The following MTHFD1L variants were observed in gnomAD, a reference collection of about 807,000 sequenced individuals.
The protein encoded by MTHFD1L is monofunctional C1-tetrahydrofolate synthase, mitochondrial.
MTHFD1L carries 81 observed loss-of-function variants against 119.5 expected under a neutral mutation model. The ratio of observed to expected loss-of-function variants is 0.68; its 90% CI spans 0.57 to 0.82. The LOEUF is 0.82. MTHFD1L is among the 40% of genes least tolerant of loss of function. MTHFD1L has a pLI of 0.00. For synonymous variants in MTHFD1L, 430 were observed against 475.2 expected, an observed-to-expected ratio of 0.90 and a Z score of 1.24; for missense variants, 1,125 against 1,253.4, an observed-to-expected ratio of 0.90 and a Z score of 1.55.
At chr6:151,048,766 C>A (rs1788508897) in intron 26 of MTHFD1L, among the ~76,000 whole-genome samples, 1 of 152,182 alleles carries the variant, frequency 6.6e-6, no homozygotes, top group Admixed American at 6.5e-5. Flanking sequence ...TAGATATGGA[C>A]CTACGGATCA....
intron 13 of MTHFD1L, among the ~76,000 whole-genome samples, chr6:150,942,023 C>A (rs1359070159): frequency 6.6e-6 from 1 of 152,208 alleles, no homozygotes; most frequent in African/African-American, 2.4e-5. Flanking sequence ...CTTTGGGAGG[C>A]TGAGGCGAGT....
At chr6:150,867,676 C>G (rs942180383) in intron 1 of MTHFD1L, among the ~76,000 whole-genome samples, 1 of 152,008 alleles carries the variant, frequency 6.6e-6, no homozygotes, top group Non-Finnish European at 1.5e-5. Context: ...GCCGTCTCTT[C>G]GGTGCTATAT....
chr6:151,020,717 C>T (rs1278516336), intron 24 of MTHFD1L, among the ~76,000 whole-genome samples: 1 of 152,150 alleles, frequency 6.6e-6, no homozygotes, highest in Non-Finnish European at 1.5e-5. Context: ...ATTGCAGTCC[C>T]TTTTAAGAAG....
In MTHFD1L at chr6:150,886,312, T is replaced by A. The variant is rs148116296; in HGVS notation, c.643+578T>A. On this transcript the variant is annotated intron_variant, in intron 6 of 27. Coordinates refer to ENST00000367321, the MANE Select transcript of MTHFD1L (RefSeq NM_015440.5). ...TTAGCTGGGTATGGTGGTGTGCACG[T>A]GTAGTCCCAGCTATGCTGGAGGCTC... Among the ~76,000 whole-genome samples the A allele has an allele frequency of 6.8e-3, 1,038 of 151,956 alleles. 7 individuals carry two copies. Among genetic ancestry groups the A allele is most frequent in the East Asian group, 0.034 (176 of 5,166 alleles).
chr6:151,013,663 C>A, intron 21 of MTHFD1L, 116 bp from the exon 22 acceptor site: 3 of 989,428 alleles, frequency 3.0e-6, no homozygotes, highest in Non-Finnish European at 4.6e-6. Flanking sequence ...TTTAAAAGCA[C>A]AAAACATAGA....
intron 21 of MTHFD1L, 100 bp from the exon 22 acceptor site, chr6:151,013,679 A>C (rs1009989066): frequency 1.8e-6 from 2 of 1,107,472 alleles, no homozygotes; most frequent in African/African-American, 3.1e-5. Flanking sequence ...ATAGAGGTAC[A>C]TTTCTAAAAA....
intron 19 of MTHFD1L, 74 bp downstream of exon 19, chr6:150,965,111 T>G: frequency 7.4e-7 from 1 of 1,353,086 alleles, no homozygotes; most frequent in Non-Finnish European, 1.1e-6. Flanking sequence ...TTTTAGCCAA[T>G]ATGAGGCAGG....
chr6:151,056,701 C>G (rs567085251), intron 26 of MTHFD1L, among the ~76,000 whole-genome samples: 1 of 152,228 alleles, frequency 6.6e-6, no homozygotes, highest in Admixed American at 6.5e-5. Flanking sequence ...CCTGCCATCC[C>G]CTCTGGAAAG....
chr6:150,984,072 A>G (rs79232075), intron 20 of MTHFD1L, among the ~76,000 whole-genome samples: 272 of 152,272 alleles, frequency 1.8e-3, no homozygotes, highest in African/African-American at 6.2e-3. Context: ...CGCCCATCCA[A>G]AAGGATTTAA....
At position 150,891,776 on chromosome 6, in the gene MTHFD1L, A is replaced by G. The variant is rs548791772; in HGVS notation, c.780+3795A>G. Among the ~76,000 whole-genome samples the G allele has an allele frequency of 3.3e-5, 5 of 152,224 alleles. No individual in the cohort carries two copies. The East Asian group carries it at 9.6e-4, about 29-fold the overall frequency. Reference sequence around the variant, plus strand: ...ATTGTTTTCCATTTCTATGTCTGAAATGATTGTTTTTCATTTTAAAAAATG... The same window carrying G: ...ATTGTTTTCCATTTCTATGTCTGAAGTGATTGTTTTTCATTTTAAAAAATG... On this transcript the variant is annotated intron_variant, in intron 7 of 27. Transcript: ENST00000367321.
At chr6:151,075,700 C>T (rs184228635) in intron 26 of MTHFD1L, among the ~76,000 whole-genome samples, 38 of 152,234 alleles carry the variant, frequency 2.5e-4, no homozygotes, top group Admixed American at 6.5e-4. Flanking sequence ...CAAAATAGAC[C>T]ATATTCTGAG....
intron 13 of MTHFD1L, among the ~76,000 whole-genome samples, chr6:150,942,306 T>C (rs1793266024): frequency 6.6e-6 from 1 of 152,170 alleles, no homozygotes; most frequent in African/African-American, 2.4e-5. Context: ...GTTACCATTT[T>C]ACTTGTCAAA....
intron 13 of MTHFD1L, among the ~76,000 whole-genome samples, chr6:150,941,991 G>T (rs1793201573): frequency 6.6e-6 from 1 of 152,204 alleles, no homozygotes; most frequent in Admixed American, 6.5e-5. Flanking sequence ...GGGCACGGTG[G>T]CTCATGCCTG....
intron 26 of MTHFD1L, among the ~76,000 whole-genome samples, chr6:151,048,494 G>A (rs537202669): frequency 1.9e-4 from 29 of 152,302 alleles, no homozygotes; most frequent in Admixed American, 1.8e-3. Flanking sequence ...AAATGTGCTA[G>A]TGGCCTGCCA....
intron 26 of MTHFD1L, among the ~76,000 whole-genome samples, chr6:151,087,068 G>C (rs543753735): frequency 6.6e-6 from 1 of 152,026 alleles, no homozygotes; most frequent in East Asian, 1.9e-4. Context: ...GGCCACCGTG[G>C]TGAAACCTTG....
chr6:150,921,694 C>A (rs116843379), intron 9 of MTHFD1L, among the ~76,000 whole-genome samples: 1 of 152,250 alleles, frequency 6.6e-6, no homozygotes, highest in South Asian at 2.1e-4. Flanking sequence ...ATTATAGGTG[C>A]GCATCACCAC....
chr6:151,081,389 A>C (rs1036234487), intron 26 of MTHFD1L, among the ~76,000 whole-genome samples: 3 of 151,866 alleles, frequency 2.0e-5, no homozygotes, highest in African/African-American at 7.3e-5. Context: ...GCAGTGGCTC[A>C]CACCTGTAAT....
Position 151,098,462 on chromosome 6 carries a change from C to T in MTHFD1L, c.*32-3064C>T, listed in dbSNP as rs143569508. On this transcript the variant is annotated intron_variant, in intron 27 of 27. Transcript: ENST00000367321. ...CGCCAAGGCATCACCCTGAGCCATC[C>T]GAGGAGTGCTGTGTGCCTTCTTCCT... Among the ~76,000 whole-genome samples, 294 of 152,244 alleles carry T rather than the reference C, an allele frequency of 1.9e-3. 2 individuals carry two copies. Among genetic ancestry groups the T allele is most frequent in the African/African-American group, 6.5e-3 (272 of 41,552 alleles).
intron 7 of MTHFD1L, among the ~76,000 whole-genome samples, chr6:150,897,707 C>T (rs570847082): frequency 1.3e-5 from 2 of 152,336 alleles, no homozygotes; most frequent in East Asian, 3.9e-4. Context: ...CCACAAAGAA[C>T]AGGCAGGAAG....
Sources: allele counts gnomAD v4.1 joint callset (sites outside exome capture counted in the v4.1 genomes callset), GRCh38; gene constraint gnomAD v4.1.1; transcripts MANE v1.5; gene names NCBI Gene and HGNC (gene_info 2026-07-23, HGNC 2026-07-21).